Variants in MRTFB observed in about 807,000 individuals in gnomAD.
MRTFB encodes myocardin related transcription factor B, also known as myocardin-related transcription factor B.
In MRTFB, 29 loss-of-function variants were observed where a neutral mutation model predicts 104.2. That is an observed-to-expected ratio of 0.28 (90% CI 0.21 to 0.38). The LOEUF (loss-of-function observed/expected upper bound fraction) is 0.38. MRTFB is among the 10% of genes least tolerant of loss of function. The pLI is 1.00. For synonymous variants in MRTFB, 535 were observed against 519.5 expected, an observed-to-expected ratio of 1.03 and a Z score of -0.41; for missense variants, 1,270 against 1,341.6, an observed-to-expected ratio of 0.95 and a Z score of 0.83.
chr16:14,210,131 A>G, intron 3 of MRTFB, 112 bp from the exon 4 acceptor site: 1 of 711,482 alleles, frequency 1.4e-6, no homozygotes, highest in Non-Finnish European at 2.3e-6. Context: ...CTTCTTTTTA[A>G]TTGTGAAATA....
the MRTFB span, among the ~76,000 whole-genome samples, chr16:14,013,690 T>G: frequency 6.6e-6 from 1 of 152,240 alleles, no homozygotes; most frequent in Non-Finnish European, 1.5e-5. Context: ...GCCATTGGAC[T>G]GGAAAACTAT....
At chr16:14,140,505 T>A in intron 2 of MRTFB, 39 bp from the exon 3 acceptor site, 2 of 1,435,986 alleles carry the variant, frequency 1.4e-6, no homozygotes, top group Non-Finnish European at 1.9e-6. Context: ...TGGAGAAACA[T>A]AACTGCACCA....
the MRTFB span, among the ~76,000 whole-genome samples, chr16:14,003,550 A>G: frequency 2.6e-5 from 4 of 152,168 alleles, no homozygotes; most frequent in Non-Finnish European, 4.4e-5. Flanking sequence ...TCTGCAGAGC[A>G]TGCACGTAGG....
chr16:14,240,176 G>A, intron 9 of MRTFB, 61 bp from the exon 10 acceptor site: 4 of 1,517,158 alleles, frequency 2.6e-6, no homozygotes, highest in Non-Finnish European at 2.6e-6. Context: ...TAGTCACGCA[G>A]TACAAAAGAT....
intron 2 of MRTFB, among the ~76,000 whole-genome samples, chr16:14,137,864 G>A (rs552041978): frequency 7.2e-5 from 11 of 152,032 alleles, no homozygotes; most frequent in East Asian, 1.9e-4. Context: ...TAATTAGAGC[G>A]TTGAGACCAT....
At chr16:14,012,701 G>T in the MRTFB span, among the ~76,000 whole-genome samples, 1 of 152,082 alleles carries the variant, frequency 6.6e-6, no homozygotes, top group Non-Finnish European at 1.5e-5. Flanking sequence ...AGCTCAGGGG[G>T]TTAAGCAATG....
At chr16:14,029,431 T>A in the MRTFB span, among the ~76,000 whole-genome samples, 1 of 66,338 alleles carries the variant, frequency 1.5e-5, no homozygotes, top group African/African-American at 3.7e-5. Context: ...TATATATATA[T>A]ATATATATAT....
intron 3 of MRTFB, chr16:14,143,159 TTC>T (rs1364360164): frequency 6.7e-6 from 1 of 148,172 alleles, no homozygotes. Context: ...CACTGAACAT[TTC>T]TTTTTTTTTT....
intron 2 of MRTFB, among the ~76,000 whole-genome samples, chr16:14,119,879 C>G (rs77878305): frequency 1.3e-5 from 2 of 151,960 alleles, no homozygotes; most frequent in South Asian, 2.1e-4. Flanking sequence ...GTGTAGGGTC[C>G]TACATTTCCT....
chr16:14,178,280 A>G (rs557786796), intron 3 of MRTFB, among the ~76,000 whole-genome samples: 7 of 152,314 alleles, frequency 4.6e-5, no homozygotes, highest in African/African-American at 1.4e-4. Context: ...TAGCGAATCT[A>G]GGGGCCCAAG....
intron 2 of MRTFB, among the ~76,000 whole-genome samples, chr16:14,129,758 C>T (rs572577665): frequency 3.3e-5 from 5 of 152,254 alleles, no homozygotes; most frequent in East Asian, 1.9e-4. Flanking sequence ...ATTGCATTTC[C>T]GTAATAACTG....
At chr16:14,061,997 G>T in the MRTFB span, among the ~76,000 whole-genome samples, 2 of 152,216 alleles carry the variant, frequency 1.3e-5, no homozygotes, top group Admixed American at 6.5e-5. Flanking sequence ...ACATGCATTA[G>T]CTCAGGGAAG....
the MRTFB span, among the ~76,000 whole-genome samples, chr16:14,005,715 T>G: frequency 6.6e-6 from 1 of 152,172 alleles, no homozygotes; most frequent in East Asian, 1.9e-4. Flanking sequence ...AGGAAATGTT[T>G]TATTGAGTGT....
At chr16:14,061,303 C>T in the MRTFB span, among the ~76,000 whole-genome samples, 1 of 152,226 alleles carries the variant, frequency 6.6e-6, no homozygotes, top group African/African-American at 2.4e-5. Flanking sequence ...GAGATACTTA[C>T]TCTCTCCATT....
intron 3 of MRTFB, among the ~76,000 whole-genome samples, chr16:14,184,246 G>T (rs1455758182): frequency 6.3e-5 from 9 of 142,318 alleles, no homozygotes; most frequent in African/African-American, 1.6e-4. Flanking sequence ...TTTTTGAGAT[G>T]GAGTCTCACT....
intron 2 of MRTFB, among the ~76,000 whole-genome samples, chr16:14,130,088 C>A (rs985230102): frequency 6.6e-6 from 1 of 152,176 alleles, no homozygotes; most frequent in African/African-American, 2.4e-5. Context: ...ACCTCGGCCT[C>A]CCAAGGTGCT....
chr16:14,143,231 C>T lies in MRTFB; in HGVS notation c.154+2471C>T, dbSNP rs556996361. On this transcript the variant is annotated intron_variant, in intron 3 of 16. Coordinates refer to ENST00000571589, the MANE Select transcript of MRTFB (RefSeq NM_001308142.2). The stretch of plus-strand genomic sequence containing the variant: ...TAATATGTACAAGGGACAAGGGAGA[C>T]GCATTTTTTAATGTTGTCTTTCTTT... 16 of 148,644 alleles carry T rather than the reference C, an allele frequency of 1.1e-4. No individual in the cohort carries two copies. In the East Asian group the frequency reaches 2.8e-3, roughly 26 times the overall value. 9.2% of individuals were successfully genotyped at this position (148,644 alleles called of 1,614,324 possible).
chr16:14,009,747 A>G, the MRTFB span: 1 of 152,106 alleles, frequency 6.6e-6, no homozygotes, highest in African/African-American at 2.4e-5. Context: ...TCTCCCCCCA[A>G]CAACGTGAGT....
the MRTFB span, among the ~76,000 whole-genome samples, chr16:14,062,955 T>G: frequency 6.6e-6 from 1 of 152,200 alleles, no homozygotes; most frequent in Non-Finnish European, 1.5e-5. Context: ...AACATTCTCA[T>G]GGGGTGCCTC....
Sources: allele counts gnomAD v4.1 joint callset (sites outside exome capture counted in the v4.1 genomes callset), GRCh38; gene constraint gnomAD v4.1.1; transcripts MANE v1.5; gene names NCBI Gene and HGNC (gene_info 2026-07-23, HGNC 2026-07-21).